RPS6KA2: variants seen among roughly 807,000 people sequenced by gnomAD.
RPS6KA2 encodes the protein ribosomal protein S6 kinase alpha-2.
In RPS6KA2, 42 loss-of-function variants were observed where a neutral mutation model predicts 91.8. The observed-to-expected ratio is 0.46, with a 90% CI of 0.36 to 0.59. The LOEUF (loss-of-function observed/expected upper bound fraction) is 0.59, where lower values mean the gene tolerates loss of function less well. Ranked by LOEUF, RPS6KA2 falls within the 20% of genes least tolerant of loss-of-function variation. RPS6KA2 has a pLI of 0.00. For missense variants in RPS6KA2, 798 were observed against 978.5 expected (o/e 0.82, Z 2.46); for synonymous variants, 414 against 393.6 (o/e 1.05, Z -0.61).
At chr6:166,467,021 C>T (rs1562513976) in intron 11 of RPS6KA2, among the ~76,000 whole-genome samples, 1 of 152,104 alleles carries the variant, frequency 6.6e-6, no homozygotes, top group Non-Finnish European at 1.5e-5. Flanking sequence ...TTCATTCACT[C>T]ATTCATTCAC....
chr6:166,614,577 CTT>C (rs1786332034), intron 1 of RPS6KA2, among the ~76,000 whole-genome samples: 2 of 152,260 alleles, frequency 1.3e-5, no homozygotes, highest in South Asian at 4.1e-4. Context: ...AGAATATTCG[CTT>C]TGTCTTGCTG....
intron 2 of RPS6KA2, among the ~76,000 whole-genome samples, chr6:166,663,353 T>A (rs1484384571): frequency 6.6e-6 from 1 of 152,044 alleles, no homozygotes; most frequent in Non-Finnish European, 1.5e-5. Flanking sequence ...CGAGTGACAA[T>A]GAACGTGAAT....
intron 2 of RPS6KA2, among the ~76,000 whole-genome samples, chr6:166,663,774 A>C (rs1414844659): frequency 6.6e-6 from 1 of 152,174 alleles, no homozygotes; most frequent in Non-Finnish European, 1.5e-5. Flanking sequence ...GAACACAGCA[A>C]CTGCTGGGAC....
intron 2 of RPS6KA2, among the ~76,000 whole-genome samples, chr6:166,780,855 C>G (rs544066288): frequency 1.3e-5 from 2 of 152,154 alleles, no homozygotes; most frequent in African/African-American, 4.8e-5. Flanking sequence ...TGGACAAGAC[C>G]TTTTAAAAAA....
intron 3 of RPS6KA2, among the ~76,000 whole-genome samples, chr6:166,511,981 G>A (rs976291375): frequency 1.3e-5 from 2 of 151,988 alleles, no homozygotes; most frequent in African/African-American, 4.8e-5. Flanking sequence ...GGATTTGAAC[G>A]GGTTCATCCA....
At chr6:166,535,841 G>A (rs1038795031) in intron 2 of RPS6KA2, among the ~76,000 whole-genome samples, 8 of 152,242 alleles carry the variant, frequency 5.3e-5, no homozygotes, top group Admixed American at 2.6e-4. Context: ...TCTAGATAGC[G>A]ATGAAATCAT....
intron 12 of RPS6KA2, 94 bp from the exon 13 acceptor site, chr6:166,451,327 A>T: frequency 1.5e-6 from 2 of 1,307,998 alleles, no homozygotes; most frequent in Non-Finnish European, 2.1e-6. Flanking sequence ...ATGTGTGTGC[A>T]AGTCCGTGTG....
rs143791635 is a variant in RPS6KA2 at position 166,806,197 on chromosome 6, G to A, written c.123+52003C>T. 2.0e-5 allele frequency among the ~76,000 whole-genome samples: 3 copies of A among 152,278 alleles called. No individual in the cohort carries two copies. In the East Asian group the frequency reaches 5.8e-4, roughly 29 times the overall value. On this transcript the variant is annotated intron_variant, in intron 2 of 21. Coordinates refer to the RPS6KA2 transcript ENST00000503859. ...ATGGGGAAAGAGAGAAAGGGATAGAGAGAGAATATTTAAAGAAATAATGGC... is the reference window on the plus strand; with the variant it reads ...ATGGGGAAAGAGAGAAAGGGATAGAAAGAGAATATTTAAAGAAATAATGGC...
At chr6:166,479,570 G>A (rs1369240848) in intron 10 of RPS6KA2, among the ~76,000 whole-genome samples, 7 of 152,270 alleles carry the variant, frequency 4.6e-5, no homozygotes, top group South Asian at 4.1e-4. Flanking sequence ...CCTGCTAACC[G>A]CCAGGGGGTG....
At chr6:166,505,505 A>G (rs1361238097) in intron 5 of RPS6KA2, among the ~76,000 whole-genome samples, 1 of 152,216 alleles carries the variant, frequency 6.6e-6, no homozygotes, top group African/African-American at 2.4e-5. Flanking sequence ...GGAGAAATCA[A>G]TGTTATGGAG....
intron 1 of RPS6KA2, among the ~76,000 whole-genome samples, chr6:166,555,313 C>A (rs375526349): frequency 3.4e-4 from 52 of 152,198 alleles, no homozygotes; most frequent in African/African-American, 1.2e-3. Flanking sequence ...CACTGACCAC[C>A]TGCACCCCTA....
At chr6:166,679,843 C>T (rs981497715) in intron 2 of RPS6KA2, among the ~76,000 whole-genome samples, 5 of 152,218 alleles carry the variant, frequency 3.3e-5, no homozygotes, top group Non-Finnish European at 1.5e-5. Context: ...CGGCAAGCCC[C>T]GCACTCAGCG....
intron 1 of RPS6KA2, among the ~76,000 whole-genome samples, chr6:166,615,596 G>A (rs530941710): frequency 7.9e-5 from 12 of 152,268 alleles, no homozygotes; most frequent in East Asian, 5.8e-4. Flanking sequence ...AACCTGCGGC[G>A]CACAGGCCAA....
chr6:166,583,789 G>T lies in RPS6KA2; in HGVS notation c.99+43132C>A, dbSNP rs542387252. Among the ~76,000 whole-genome samples, 6 of 152,346 alleles carry T rather than the reference G, an allele frequency of 3.9e-5. No homozygotes were observed. The East Asian group carries it at 1.2e-3, about 29-fold the overall frequency. On this transcript the variant is annotated intron_variant, in intron 1 of 20. Coordinates refer to ENST00000265678, the MANE Select transcript of RPS6KA2 (RefSeq NM_021135.6). The stretch of plus-strand genomic sequence containing the variant: ...GGCATCACGCCAAAGGAAGTACTAT[G>T]CCACAGGAAGAAATGTGCAAACTGG...
intron 2 of RPS6KA2, among the ~76,000 whole-genome samples, chr6:166,820,913 A>C (rs1483926223): frequency 6.6e-6 from 1 of 152,208 alleles, no homozygotes; most frequent in Non-Finnish European, 1.5e-5. Flanking sequence ...CATTATGTAA[A>C]AGCACTCCTC....
intron 1 of RPS6KA2, among the ~76,000 whole-genome samples, chr6:166,551,813 A>G (rs1189480298): frequency 2.6e-5 from 4 of 152,226 alleles, no homozygotes; most frequent in African/African-American, 9.6e-5. Flanking sequence ...GGCACAGAAC[A>G]ATAACTTGAA....
At chr6:166,582,079 T>G (rs1785035759) in intron 1 of RPS6KA2, among the ~76,000 whole-genome samples, 1 of 97,968 alleles carries the variant, frequency 1.0e-5, no homozygotes, top group Non-Finnish European at 2.0e-5. Context: ...TGAGATGGGG[T>G]GGGACGCCCA....
chr6:166,796,821 C>T (rs1779237797), intron 2 of RPS6KA2, among the ~76,000 whole-genome samples: 1 of 151,484 alleles, frequency 6.6e-6, no homozygotes, highest in Admixed American at 6.6e-5. Flanking sequence ...GTCCTGAGTG[C>T]ACGCACGTGG....
chr6:166,860,771 T>G (rs1361074224), intron 1 of RPS6KA2, among the ~76,000 whole-genome samples: 1 of 152,210 alleles, frequency 6.6e-6, no homozygotes, highest in Non-Finnish European at 1.5e-5. Flanking sequence ...GCTGATCACT[T>G]GCTCGTTCAC....
Sources: allele counts gnomAD v4.1 joint callset (sites outside exome capture counted in the v4.1 genomes callset), GRCh38; gene constraint gnomAD v4.1.1; transcripts MANE v1.5; gene names NCBI Gene and HGNC (gene_info 2026-07-23, HGNC 2026-07-21).